The following NEGR1 variants were observed in gnomAD, a reference collection of about 807,000 sequenced individuals.
The protein encoded by NEGR1 is neuronal growth regulator 1, also known as IgLON family member 4.
A neutral mutation model predicts 40.9 loss-of-function variants in NEGR1; 10 were observed. The ratio of observed to expected loss-of-function variants is 0.24; its 90% confidence interval spans 0.15 to 0.42. The LOEUF is 0.42. Ranked by LOEUF, NEGR1 falls within the 10% of genes least tolerant of loss-of-function variation. The probability of loss-of-function intolerance (pLI) is 1.00; values close to 1 mark genes in which losing one functional copy is unlikely to be tolerated. For synonymous variants in NEGR1, 185 were observed against 166.8 expected (o/e 1.11, Z -0.84); for missense variants, 352 against 438.9 (o/e 0.80, Z 1.77).
intron 3 of NEGR1, among the ~76,000 whole-genome samples, chr1:71,722,711 G>A (rs535046276): frequency 6.6e-6 from 1 of 151,122 alleles, no homozygotes; most frequent in East Asian, 1.9e-4. Context: ...GAAAAAAATT[G>A]GCATACATTT....
At chr1:71,679,966 T>C (rs1327182818) in intron 4 of NEGR1, among the ~76,000 whole-genome samples, 1 of 152,054 alleles carries the variant, frequency 6.6e-6, no homozygotes, top group Non-Finnish European at 1.5e-5. Flanking sequence ...CTCAGCATTG[T>C]ACTCCTAAGT....
intron 4 of NEGR1, among the ~76,000 whole-genome samples, chr1:71,626,738 A>G (rs1295290789): frequency 1.3e-5 from 2 of 152,050 alleles, no homozygotes; most frequent in Non-Finnish European, 2.9e-5. Context: ...TTTGCAATCT[A>G]CTCATCTGAC....
chr1:72,008,543 G>C (rs753712241), intron 1 of NEGR1, among the ~76,000 whole-genome samples: 12 of 152,034 alleles, frequency 7.9e-5, no homozygotes, highest in Non-Finnish European at 1.5e-4. Context: ...AGAATTAAAT[G>C]AGATAGTCTA....
intron 6 of NEGR1, among the ~76,000 whole-genome samples, chr1:71,540,772 T>C (rs1647663055): frequency 6.6e-6 from 1 of 151,670 alleles, no homozygotes; most frequent in Admixed American, 6.6e-5. Context: ...GACTGGGTAA[T>C]TTATAAAGAA....
At chr1:71,442,636 T>C (rs1646555831) in intron 6 of NEGR1, among the ~76,000 whole-genome samples, 1 of 152,024 alleles carries the variant, frequency 6.6e-6, no homozygotes, top group Admixed American at 6.6e-5. Flanking sequence ...AATAAATAAA[T>C]TAATGAATTA....
At chr1:71,520,501 A>ATTCC (rs1469064839) in intron 6 of NEGR1, among the ~76,000 whole-genome samples, 1 of 152,090 alleles carries the variant, frequency 6.6e-6, no homozygotes, top group Non-Finnish European at 1.5e-5. Context: ...TGTCTCAATG[A>ATTCC]TTCCCACTGG....
intron 1 of NEGR1, among the ~76,000 whole-genome samples, chr1:72,135,997 T>C (rs2100324648): frequency 6.6e-6 from 1 of 152,202 alleles, no homozygotes; most frequent in South Asian, 2.1e-4. Flanking sequence ...AGATGGTAAA[T>C]GATGAAACAA....
intron 1 of NEGR1, among the ~76,000 whole-genome samples, chr1:71,949,225 A>G (rs866481289): frequency 6.6e-6 from 1 of 152,158 alleles, no homozygotes; most frequent in Non-Finnish European, 1.5e-5. Context: ...GTCTCATGTG[A>G]TAAGATCTAA....
intron 2 of NEGR1, among the ~76,000 whole-genome samples, chr1:71,926,512 C>T (rs1451637658): frequency 6.6e-6 from 1 of 151,812 alleles, no homozygotes; most frequent in African/African-American, 2.4e-5. Context: ...GGTATAATTT[C>T]CTAGTTAGCA....
chr1:71,610,953 A>G (rs1650229699), intron 5 of NEGR1, 73 bp downstream of exon 5: 3 of 1,502,690 alleles, frequency 2.0e-6, no homozygotes, highest in East Asian at 2.3e-5. Context: ...GAAATTGCCT[A>G]AAGTAAGTAT....
At chr1:71,801,210 C>A (rs1657543466) in intron 2 of NEGR1, among the ~76,000 whole-genome samples, 1 of 152,178 alleles carries the variant, frequency 6.6e-6, no homozygotes, top group African/African-American at 2.4e-5. Context: ...CCTCTCTTTG[C>A]CAGTCAGCTC....
chr1:72,051,539 T>A (rs971358396), intron 1 of NEGR1, among the ~76,000 whole-genome samples: 3 of 151,460 alleles, frequency 2.0e-5, no homozygotes, highest in Admixed American at 6.6e-5. Context: ...TCGAAAAAAA[T>A]TTCTTATTTC....
chr1:71,759,837 T>G (rs141158560), intron 3 of NEGR1, among the ~76,000 whole-genome samples: 4,079 of 151,586 alleles, frequency 0.027, 81 homozygotes, highest in African/African-American at 0.044. Context: ...CTTGAACTCC[T>G]GGCCTCAATG....
chr1:71,418,441 G>A (rs1223545651), intron 6 of NEGR1, among the ~76,000 whole-genome samples: 3 of 151,934 alleles, frequency 2.0e-5, no homozygotes, highest in Non-Finnish European at 2.9e-5. Context: ...AGCCTCTCGA[G>A]TAGCTGGGAC....
At chr1:72,153,760 A>C (rs1225088018) in intron 1 of NEGR1, among the ~76,000 whole-genome samples, 3 of 151,942 alleles carry the variant, frequency 2.0e-5, no homozygotes, top group African/African-American at 4.8e-5. Flanking sequence ...TTAAAAGATA[A>C]GTGGAAAAGA....
intron 4 of NEGR1, among the ~76,000 whole-genome samples, chr1:71,664,379 T>C (rs1208286772): frequency 6.6e-6 from 1 of 152,244 alleles, no homozygotes; most frequent in Non-Finnish European, 1.5e-5. Context: ...TGGTAGTTCC[T>C]ATCCTTGTAA....
At chr1:71,881,982 G>A (rs1660596310) in intron 2 of NEGR1, among the ~76,000 whole-genome samples, 1 of 151,986 alleles carries the variant, frequency 6.6e-6, no homozygotes. Context: ...TGTTTCCAAA[G>A]GTAGAAAATC....
intron 6 of NEGR1, chr1:71,468,790 G>A (rs919055421): frequency 6.6e-5 from 10 of 151,948 alleles, no homozygotes; most frequent in Admixed American, 6.6e-4. Flanking sequence ...CATGAAAGAT[G>A]TTTGCAATTT....
At chr1:72,051,808 C>G (rs1647064486) in intron 1 of NEGR1, among the ~76,000 whole-genome samples, 1 of 151,442 alleles carries the variant, frequency 6.6e-6, no homozygotes, top group Non-Finnish European at 1.5e-5. Flanking sequence ...TTTTTGTCTA[C>G]TGTCCCGAAA....
Sources: allele counts gnomAD v4.1 joint callset (sites outside exome capture counted in the v4.1 genomes callset), GRCh38; gene constraint gnomAD v4.1.1; transcripts MANE v1.5; gene names NCBI Gene and HGNC (gene_info 2026-07-23, HGNC 2026-07-21).